Variants in RPGRIP1 observed in about 807,000 individuals in gnomAD.
The protein encoded by RPGRIP1 is X-linked retinitis pigmentosa GTPase regulator-interacting protein 1.
A neutral mutation model predicts 157.9 loss-of-function variants in RPGRIP1; 128 were observed. The observed-to-expected ratio is 0.81, with a 90% CI of 0.70 to 0.94. The LOEUF is 0.94. Among genes scored for constraint, RPGRIP1 ranks in the 40% least tolerant of loss-of-function variants. RPGRIP1 has a pLI of 0.00. For synonymous variants in RPGRIP1, 554 were observed against 571.6 expected, an observed-to-expected ratio of 0.97 and a Z score of 0.44; for missense variants, 1,486 against 1,545.8, an observed-to-expected ratio of 0.96 and a Z score of 0.65.
At position 21,325,337 on chromosome 14, in the gene RPGRIP1, A is replaced by T; in HGVS notation, c.2321A>T (p.Tyr774Phe). ...AATAAACGAAAGAAAGCCCAGGTCT[A>T]CCTGTCAACCGATGTGCTTGGAGGC... ...ACNKRKKAQVYLSTDVLGGRK... is the reference protein window; with the variant it reads ...ACNKRKKAQVFLSTDVLGGRK... The change falls in exon 16 of 25, where the codon TAC becomes TTC. Residue 774 changes from tyrosine to phenylalanine, a missense_variant. Tyr to Phe is a conservative substitution (Grantham distance 22). Transcript: ENST00000400017. The T allele has an allele frequency of 1.2e-6, 2 of 1,601,464 alleles. No individual in the cohort carries two copies. The highest frequency in any genetic ancestry group is 1.7e-6 in the Non-Finnish European group (2 of 1,173,942).
chr14:21,336,904 A>T (rs1884421393), intron 21 of RPGRIP1, among the ~76,000 whole-genome samples: 1 of 152,240 alleles, frequency 6.6e-6, no homozygotes, highest in South Asian at 2.1e-4. Context: ...CCTTTTAGAA[A>T]ACTTCCTTGT....
At chr14:21,342,572 C>T (rs113098445) in intron 21 of RPGRIP1, among the ~76,000 whole-genome samples, 2,098 of 151,416 alleles carry the variant, frequency 0.014, 42 homozygotes, top group African/African-American at 0.048. Flanking sequence ...TGAGAAATAG[C>T]TGTTTAGAAA....
intron 2 of RPGRIP1, 72 bp downstream of exon 2, chr14:21,288,133 C>A: frequency 1.0e-6 from 1 of 978,158 alleles, no homozygotes; most frequent in Non-Finnish European, 1.6e-6. Context: ...TCTTGCTGGC[C>A]TTCACAGAGA....
rs1880370814 is a variant in RPGRIP1, at chr14:21,288,185, T to C, written c.85+124T>C. 3 of 637,746 alleles carry C rather than the reference T, an allele frequency of 4.7e-6. No individual in the cohort carries two copies. The Admixed American group carries it at 8.2e-5, about 17-fold the overall frequency. The allele number at this position is 637,746 out of a possible 1,614,324, so 39.5% of individuals were successfully genotyped here. On this transcript the variant is annotated intron_variant, in intron 2 of 24. Coordinates refer to ENST00000400017, the MANE Select transcript of RPGRIP1 (RefSeq NM_020366.4). ...TCTTTTCTTCAGTCTTCTCACTTTT[T>C]TTTTTTTTTTTTTGAGATGGAGTCT...
In RPGRIP1 at chr14:21,324,615, T is replaced by C; in HGVS notation, c.1763-3T>C. On this transcript the variant is annotated splice_polypyrimidine_tract_variant and splice_region_variant and intron_variant, in intron 14 of 24. Coordinates refer to ENST00000400017, the MANE Select transcript of RPGRIP1 (RefSeq NM_020366.4). Reference sequence around the variant, plus strand: ...CGGATAGGCAGCTTTCTTTCCCCTCTAGAACAGCTCAAAGATGTTGCTTAT... The same window carrying C: ...CGGATAGGCAGCTTTCTTTCCCCTCCAGAACAGCTCAAAGATGTTGCTTAT... 6.2e-7 allele frequency: 1 copy of C among 1,612,300 alleles called. No homozygotes were observed. The highest frequency in any genetic ancestry group is 8.5e-7 in the Non-Finnish European group (1 of 1,179,648).
chr14:21,306,102 G>C lies in RPGRIP1; in HGVS notation c.801-1629G>C, dbSNP rs148965575. On this transcript the variant is annotated intron_variant, in intron 6 of 24. Transcript: ENST00000400017. ...AGAAAACGTGAGCTCCTAGGTTCAG[G>C]AATAATAGTCTTTTTTTTTTTTTTT... Among the ~76,000 whole-genome samples, 405 of 132,744 alleles carry C rather than the reference G, an allele frequency of 3.1e-3. 2 individuals carry two copies. Among genetic ancestry groups the C allele is most frequent in the African/African-American group, 0.011 (384 of 34,866 alleles). The allele number at this position is 132,744 out of a possible 152,430, so 87.1% of individuals were successfully genotyped here. A position where few individuals can be genotyped will look rare whatever the true frequency, so the allele number is the denominator to read the frequency against.
intron 2 of RPGRIP1, among the ~76,000 whole-genome samples, chr14:21,288,315 G>A (rs963435320): frequency 6.6e-6 from 1 of 151,352 alleles, no homozygotes; most frequent in Admixed American, 6.6e-5. Flanking sequence ...CAAGTAGCAG[G>A]GATTACAGGC....
chr14:21,345,209 C>T lies in RPGRIP1; in HGVS notation c.3617+12C>T. 6.3e-7 allele frequency: 1 copy of T among 1,594,418 alleles called. No homozygotes were observed. The highest frequency in any genetic ancestry group is 8.6e-7 in the Non-Finnish European group (1 of 1,165,136). On this transcript the variant is annotated intron_variant, in intron 23 of 24. Coordinates refer to ENST00000400017, the MANE Select transcript of RPGRIP1 (RefSeq NM_020366.4). ...CCTGATCAAGGACAGTAAGCATCTGCTTTCCACTTTGAAACAAAGGAGATA... is the reference window on the plus strand; with the variant it reads ...CCTGATCAAGGACAGTAAGCATCTGTTTTCCACTTTGAAACAAAGGAGATA...
rs747133010 is a variant in RPGRIP1, at chr14:21,328,637, T to G, written c.3099+10T>G. 6.3e-7 allele frequency: 1 copy of G among 1,591,378 alleles called. No homozygotes were observed. The highest frequency in any genetic ancestry group is 1.1e-5 in the South Asian group (1 of 90,426). ...TGGAAATACACCAGAGGTAAGACCT[T>G]AAAAACTCTGAAGCACTAAATTGTG... On this transcript the variant is annotated intron_variant, in intron 19 of 24. Coordinates refer to ENST00000400017, the MANE Select transcript of RPGRIP1 (RefSeq NM_020366.4).
At chr14:21,324,349 G>C (rs564557821) in intron 14 of RPGRIP1, 29 of 519,540 alleles carry the variant, frequency 5.6e-5, no homozygotes, top group African/African-American at 5.2e-4. Context: ...GATAAAATGT[G>C]CCCCCAGTGT....
At chr14:21,281,648 C>G (rs1403560081) in intron 1 of RPGRIP1, among the ~76,000 whole-genome samples, 1 of 148,382 alleles carries the variant, frequency 6.7e-6, no homozygotes, top group Admixed American at 6.7e-5. Flanking sequence ...GAGAGCATAC[C>G]GCTGTACTCC....
chr14:21,298,280 C>T (rs1880878754), intron 3 of RPGRIP1, among the ~76,000 whole-genome samples: 1 of 151,976 alleles, frequency 6.6e-6, no homozygotes, highest in African/African-American at 2.4e-5. Context: ...GGGCAGATCA[C>T]CTGAGGTCAG....
chr14:21,330,794 T>C (rs1380388411), intron 20 of RPGRIP1, among the ~76,000 whole-genome samples: 1 of 152,234 alleles, frequency 6.6e-6, no homozygotes, highest in East Asian at 1.9e-4. Context: ...ATGTAAGACC[T>C]GAGGCCCAGT....
At chr14:21,346,460 G>A (rs1594276441) in intron 23 of RPGRIP1, among the ~76,000 whole-genome samples, 1 of 152,164 alleles carries the variant, frequency 6.6e-6, no homozygotes, top group Non-Finnish European at 1.5e-5. Flanking sequence ...GCTGAGGCAT[G>A]AGAATCATTT....
chr14:21,290,934 T>C (rs1184288259), intron 2 of RPGRIP1, among the ~76,000 whole-genome samples: 1 of 145,364 alleles, frequency 6.9e-6, no homozygotes, highest in East Asian at 2.0e-4. Flanking sequence ...CCAGGAGGCA[T>C]AGGTTGCAGT....
intron 1 of RPGRIP1, among the ~76,000 whole-genome samples, 176 bp from the exon 2 acceptor site, chr14:21,287,763 A>T (rs1880351245): frequency 6.6e-6 from 1 of 152,140 alleles, no homozygotes; most frequent in Admixed American, 6.6e-5. Flanking sequence ...AGTCATTCCT[A>T]CTGAATACTT....
intron 3 of RPGRIP1, among the ~76,000 whole-genome samples, chr14:21,300,304 T>TC (rs1555365249): frequency 7.6e-5 from 6 of 79,372 alleles, no homozygotes; most frequent in Non-Finnish European, 1.5e-4. Flanking sequence ...AAAGTCCGTC[T>TC]CAAAAAAAAA....
intron 10 of RPGRIP1, among the ~76,000 whole-genome samples, chr14:21,315,321 C>T: frequency 6.6e-6 from 1 of 151,786 alleles, no homozygotes; most frequent in East Asian, 1.9e-4. Context: ...TCCTGGCTAA[C>T]ACGGTGAAAC....
intron 20 of RPGRIP1, among the ~76,000 whole-genome samples, chr14:21,331,170 A>G (rs751414285): frequency 6.6e-6 from 1 of 151,318 alleles, no homozygotes; most frequent in Non-Finnish European, 1.5e-5. Context: ...CAGCCTCCCA[A>G]AGTGCTGGGA....
Sources: gnomAD v4.1 joint callset for allele counts (sites outside exome capture counted in the v4.1 genomes callset) on GRCh38, gnomAD v4.1.1 for gene constraint, MANE v1.5 for transcripts, NCBI Gene and HGNC (gene_info 2026-07-23, HGNC 2026-07-21) for gene names.